Variants in ZNF19 observed in about 807,000 individuals in gnomAD.
ZNF19 encodes zinc finger protein 19 (KOX 12).
In ZNF19, 11 loss-of-function variants were observed where a neutral mutation model predicts 13.1. The observed-to-expected ratio is 0.84, with a 90% CI of 0.53 to 1.39. The LOEUF is 1.39. Ranked by LOEUF, ZNF19 falls within the 40% of genes most tolerant of loss-of-function variation. The pLI is 0.00. For synonymous variants in ZNF19, 186 were observed against 187.0 expected (o/e 0.99, Z 0.04); for missense variants, 560 against 547.0 (o/e 1.02, Z -0.24).
intron 1 of ZNF19, chr16:71,487,106 C>T (rs2043683814): frequency 6.6e-6 from 1 of 152,156 alleles, no homozygotes; most frequent in Admixed American, 6.5e-5. Context: ...TGTATCACCT[C>T]TAAGGAAATG....
intron 5 of ZNF19, chr16:71,477,792 T>C: frequency 6.1e-6 from 1 of 162,682 alleles, no homozygotes; most frequent in Admixed American, 6.0e-5. Context: ...TCTCCCCATT[T>C]ATGGCCAACT....
intron 1 of ZNF19, among the ~76,000 whole-genome samples, chr16:71,488,289 G>A (rs757265889): frequency 9.9e-5 from 15 of 151,624 alleles, no homozygotes; most frequent in Non-Finnish European, 1.8e-4. Context: ...GAACCCGGGA[G>A]GTGGAGGATG....
intron 1 of ZNF19, among the ~76,000 whole-genome samples, chr16:71,485,661 T>G (rs539886222): frequency 5.0e-4 from 76 of 151,580 alleles, no homozygotes; most frequent in African/African-American, 1.7e-3. Context: ...GATCAGGAAT[T>G]GAAGAAGAGG....
chr16:71,484,369 T>A (rs560714897), intron 2 of ZNF19, among the ~76,000 whole-genome samples: 10 of 152,304 alleles, frequency 6.6e-5, no homozygotes, highest in South Asian at 2.1e-4. Flanking sequence ...GCCGCCCATA[T>A]CCACAGCCTC....
intron 1 of ZNF19, among the ~76,000 whole-genome samples, chr16:71,486,113 G>A (rs1425444959): frequency 3.3e-5 from 5 of 151,740 alleles, no homozygotes; most frequent in Non-Finnish European, 7.4e-5. Context: ...GGAGGCCCAG[G>A]TGGGCAGATC....
chr16:71,487,126 T>C (rs1272417756), intron 1 of ZNF19: 1 of 152,190 alleles, frequency 6.6e-6, no homozygotes, highest in Non-Finnish European at 1.5e-5. Flanking sequence ...GTATACTTGA[T>C]ATGTTTTGGC....
intron 1 of ZNF19, among the ~76,000 whole-genome samples, chr16:71,485,164 A>G (rs1302194580): frequency 6.6e-6 from 1 of 152,296 alleles, no homozygotes; most frequent in South Asian, 2.1e-4. Flanking sequence ...AGACCAGGTC[A>G]GCAGGCCAGG....
rs1250174441 is a variant in ZNF19 at position 71,475,186 on chromosome 16, G to T, written c.1361C>A (p.Thr454Asn). 1.2e-6 allele frequency: 2 copies of T among 1,601,478 alleles called. No individual in the cohort carries two copies. Among genetic ancestry groups the T allele is most frequent in the South Asian group, 2.2e-5 (2 of 89,198 alleles). Residue 454 changes from threonine (T) to asparagine (N), a missense_variant, in exon 6 of 6, where the codon ACC becomes AAC. By Grantham distance (65) the Thr-to-Asn change is moderately conservative. Coordinates refer to ENST00000288177, the MANE Select transcript of ZNF19 (RefSeq NM_006961.4). The stretch of plus-strand genomic sequence containing the variant: ...AGTGTACTATTACCAGTAAAAGGGG[G>T]TAAAAAATTCTGGGAGGCCAAAACG... ...ICRFGLPEFF[T>N]PFYW
intron 1 of ZNF19, among the ~76,000 whole-genome samples, chr16:71,486,253 C>G (rs962774101): frequency 6.6e-6 from 1 of 151,352 alleles, no homozygotes; most frequent in Admixed American, 6.6e-5. Context: ...GTAGTCCCAG[C>G]TACTAGCTGA....
Position 71,484,547 on chromosome 16 carries a change from G to A in ZNF19, c.-30+42C>T, listed in dbSNP as rs369063525. On this transcript the variant is annotated intron_variant, in intron 2 of 5. Coordinates refer to ENST00000288177, the MANE Select transcript of ZNF19 (RefSeq NM_006961.4). ...AGCCTTCTCTAGAGGTGCAGTGCCTGAGCCTAGCAAGGACTCCTAGGCGAC... is the reference window on the plus strand; with the variant it reads ...AGCCTTCTCTAGAGGTGCAGTGCCTAAGCCTAGCAAGGACTCCTAGGCGAC... The A allele has an allele frequency of 8.7e-4, 854 of 985,434 alleles. 21 individuals carry two copies. The South Asian group carries it at 0.035, about 41-fold the overall frequency. 61.0% of individuals were successfully genotyped at this position (985,434 alleles called of 1,614,324 possible).
At position 71,479,009 on chromosome 16, in the gene ZNF19, A is replaced by G; in HGVS notation, c.34-4T>C. 6.2e-7 allele frequency: 1 copy of G among 1,614,120 alleles called. No homozygotes were observed. Among genetic ancestry groups the G allele is most frequent in the Non-Finnish European group, 8.5e-7 (1 of 1,180,000 alleles). On this transcript the variant is annotated splice_region_variant and splice_polypyrimidine_tract_variant and intron_variant, in intron 3 of 5. Coordinates refer to ENST00000288177, the MANE Select transcript of ZNF19 (RefSeq NM_006961.4). ...CATCCTCGAAGGTCACCATCTCCTA[A>G]AACAACAGGTTCCTGCTGCCCCAGA... is the stretch of plus-strand genomic sequence containing the variant.
chr16:71,489,186 T>G (rs976165989), intron 1 of ZNF19, 86 bp downstream of exon 1: 1 of 920,980 alleles, frequency 1.1e-6, no homozygotes, highest in African/African-American at 1.8e-5. Context: ...TTCTTTGAGC[T>G]GCGCTCAAAG....
chr16:71,478,727 G>A, intron 4 of ZNF19, 152 bp downstream of exon 4: 1 of 1,090,106 alleles, frequency 9.2e-7, no homozygotes, highest in Non-Finnish European at 1.3e-6. Flanking sequence ...AATCTTTGAA[G>A]TTGGTCACTG....
intron 3 of ZNF19, among the ~76,000 whole-genome samples, chr16:71,480,161 C>T (rs567394230): frequency 1.3e-5 from 2 of 152,270 alleles, no homozygotes; most frequent in Non-Finnish European, 2.9e-5. Context: ...CCACAAAGTT[C>T]TGGCATCTGG....
rs1377453425 is a variant in ZNF19 at position 71,482,146 on chromosome 16, G to T, written c.-29-3C>A. ...GTCTCCCTCTTAGCAGGCAAAGGCT[G>T]AGGGAAGAAACAGAGAGAACCAACA... On this transcript the variant is annotated splice_region_variant and splice_polypyrimidine_tract_variant and intron_variant, in intron 2 of 5. Coordinates refer to ENST00000288177, the MANE Select transcript of ZNF19 (RefSeq NM_006961.4). The T allele has an allele frequency of 6.2e-7, 1 of 1,613,702 alleles. No individual in the cohort carries two copies. Among genetic ancestry groups the T allele is most frequent in the East Asian group, 2.2e-5 (1 of 44,878 alleles).
chr16:71,484,099 T>A (rs1201629252), intron 2 of ZNF19, among the ~76,000 whole-genome samples: 1 of 152,238 alleles, frequency 6.6e-6, no homozygotes, highest in Non-Finnish European at 1.5e-5. Flanking sequence ...CCACACTTTG[T>A]GCACGTCAAG....
chr16:71,479,193 A>G (rs1375699459), intron 3 of ZNF19, 188 bp from the exon 4 acceptor site: 16 of 662,218 alleles, frequency 2.4e-5, no homozygotes, highest in Non-Finnish European at 4.1e-5. Flanking sequence ...AACTTCTCTC[A>G]CTACCAGAAG....
intron 5 of ZNF19, among the ~76,000 whole-genome samples, chr16:71,476,526 T>C (rs1215260078): frequency 6.6e-6 from 1 of 152,208 alleles, no homozygotes; most frequent in Non-Finnish European, 1.5e-5. Context: ...GAATGATGTC[T>C]GGTCATCCCT....
rs2043582693 is a variant in ZNF19 at position 71,473,865 on chromosome 16, G to A, written c.*1305C>T. ...CCCAAAGTACTGGGATTACAAGTGT[G>A]AGCCACCGCGCCTGGCTGACTCATG... On this transcript the variant is annotated 3_prime_UTR_variant, in exon 6 of 6. Coordinates refer to ENST00000288177, the MANE Select transcript of ZNF19 (RefSeq NM_006961.4). The A allele has an allele frequency of 6.6e-6, 1 of 152,226 alleles. No individual in the cohort carries two copies. Among genetic ancestry groups the A allele is most frequent in the African/African-American group, 2.4e-5 (1 of 41,450 alleles). 9.4% of individuals were successfully genotyped at this position (152,226 alleles called of 1,614,324 possible). A position where few individuals can be genotyped will look rare whatever the true frequency, so the allele number is the denominator to read the frequency against.
Sources: gnomAD v4.1 joint callset for allele counts (sites outside exome capture counted in the v4.1 genomes callset) on GRCh38, gnomAD v4.1.1 for gene constraint, MANE v1.5 for transcripts, NCBI Gene and HGNC (gene_info 2026-07-23, HGNC 2026-07-21) for gene names.